PLCB1: variants seen among roughly 807,000 people sequenced by gnomAD.
PLCB1 encodes 1-phosphatidylinositol 4,5-bisphosphate phosphodiesterase beta-1.
PLCB1 carries 46 observed loss-of-function variants against 161.8 expected under a neutral mutation model. The observed-to-expected ratio is 0.28, with a 90% CI of 0.22 to 0.36. The LOEUF is 0.36. Among genes scored for constraint, PLCB1 ranks in the 10% least tolerant of loss-of-function variants. The pLI is 1.00. For missense variants in PLCB1, 1,016 were observed against 1,472.5 expected (o/e 0.69, Z 5.07); for synonymous variants, 517 against 503.7 (o/e 1.03, Z -0.35).
intron 3 of PLCB1, among the ~76,000 whole-genome samples, chr20:8,478,736 G>A (rs1257565579): frequency 6.6e-6 from 1 of 151,972 alleles, no homozygotes; most frequent in African/African-American, 2.4e-5. Flanking sequence ...TATAGATTGT[G>A]GTGCTTTTTT....
At chr20:8,849,321 GA>G (rs1197162783) in intron 31 of PLCB1, among the ~76,000 whole-genome samples, 1 of 152,030 alleles carries the variant, frequency 6.6e-6, no homozygotes, top group Non-Finnish European at 1.5e-5. Flanking sequence ...TTTATGTAAG[GA>G]AACTGAGATG....
At chr20:8,699,704 A>G (rs1471031012) in intron 11 of PLCB1, among the ~76,000 whole-genome samples, 1 of 152,226 alleles carries the variant, frequency 6.6e-6, no homozygotes, top group Non-Finnish European at 1.5e-5. Context: ...AAGTTGCTGT[A>G]TTAGACAATA....
chr20:8,424,526 T>C (rs1015715920), intron 3 of PLCB1, among the ~76,000 whole-genome samples: 5 of 152,188 alleles, frequency 3.3e-5, no homozygotes, highest in Admixed American at 2.6e-4. Flanking sequence ...TGTCTCTTTC[T>C]TTTCACTAAC....
chr20:8,566,031 A>G (rs1986323199), intron 3 of PLCB1, among the ~76,000 whole-genome samples: 1 of 152,164 alleles, frequency 6.6e-6, no homozygotes, highest in South Asian at 2.1e-4. Flanking sequence ...TCAACAGTTC[A>G]AAAGTTTCAT....
At chr20:8,467,396 T>C (rs978496590) in intron 3 of PLCB1, among the ~76,000 whole-genome samples, 1 of 152,194 alleles carries the variant, frequency 6.6e-6, no homozygotes, top group African/African-American at 2.4e-5. Context: ...GCTCCATGGA[T>C]AGCCACACCC....
At chr20:8,349,769 A>G (rs1986120903) in intron 2 of PLCB1, among the ~76,000 whole-genome samples, 1 of 152,212 alleles carries the variant, frequency 6.6e-6, no homozygotes, top group Non-Finnish European at 1.5e-5. Context: ...AGCAGGTCTT[A>G]TAAGACTAGG....
intron 3 of PLCB1, among the ~76,000 whole-genome samples, chr20:8,505,979 T>G (rs1418754324): frequency 6.6e-6 from 1 of 152,240 alleles, no homozygotes; most frequent in African/African-American, 2.4e-5. Flanking sequence ...CAGTAGAATT[T>G]AACTTCCTTT....
chr20:8,662,885 C>G (rs1315933315), intron 9 of PLCB1, among the ~76,000 whole-genome samples: 1 of 151,818 alleles, frequency 6.6e-6, no homozygotes, highest in Non-Finnish European at 1.5e-5. Flanking sequence ...CACAGATGAG[C>G]TACAGACTTT....
Position 8,527,343 on chromosome 20 carries a change from G to A in PLCB1, c.247-100951G>A, listed in dbSNP as rs1033895854. On this transcript the variant is annotated intron_variant, in intron 3 of 31. Transcript: ENST00000338037. The stretch of plus-strand genomic sequence containing the variant: ...CCCATCAATATCAAAAATTAAGATT[G>A]GACTTGGAATAAAAGTTCTATTTTA... Among the ~76,000 whole-genome samples, 60 of 151,984 alleles carry A rather than the reference G, an allele frequency of 3.9e-4. 2 individuals are homozygous for A. Among genetic ancestry groups the A allele is most frequent in the Non-Finnish European group, 2.2e-4 (15 of 67,948 alleles).
At chr20:8,778,683 C>T (rs1983061456) in intron 27 of PLCB1, among the ~76,000 whole-genome samples, 2 of 152,216 alleles carry the variant, frequency 1.3e-5, no homozygotes, top group African/African-American at 4.8e-5. Context: ...TCAAAGTGCT[C>T]ACCCCTGCAC....
chr20:8,187,759 G>A (rs1244908269), intron 2 of PLCB1, among the ~76,000 whole-genome samples: 1 of 152,090 alleles, frequency 6.6e-6, no homozygotes, highest in African/African-American at 2.4e-5. Flanking sequence ...ACCAGAGCCA[G>A]CAATTCCTAC....
chr20:8,462,206 A>G (rs986233269), intron 3 of PLCB1, among the ~76,000 whole-genome samples: 1 of 152,336 alleles, frequency 6.6e-6, no homozygotes, highest in African/African-American at 2.4e-5. Context: ...GCAAAGCACT[A>G]TTCTAAACAC....
intron 2 of PLCB1, among the ~76,000 whole-genome samples, chr20:8,207,079 G>A (rs1414876626): frequency 8.6e-6 from 1 of 116,814 alleles, no homozygotes; most frequent in Non-Finnish European, 1.9e-5. Flanking sequence ...GAAGCCAGAT[G>A]TTGCATTATA....
intron 3 of PLCB1, among the ~76,000 whole-genome samples, chr20:8,565,357 T>C (rs763164506): frequency 2.0e-5 from 3 of 152,044 alleles, no homozygotes; most frequent in Non-Finnish European, 4.4e-5. Flanking sequence ...GGTTAGGGCA[T>C]GGATATCATT....
rs746878586 is a variant in PLCB1 at position 8,739,301 on chromosome 20, A to G, written c.2249A>G (p.Tyr750Cys). 6.2e-7 allele frequency: 1 copy of G among 1,614,054 alleles called. No homozygotes were observed. Among genetic ancestry groups the G allele is most frequent in the Non-Finnish European group, 8.5e-7 (1 of 1,179,878 alleles). Reference sequence around the variant, plus strand: ...CTGGCCTGTTTGAGAATAGCAGTTTATGAAGAAGGAGGTAAATTCATTGGC... The same window carrying G: ...CTGGCCTGTTTGAGAATAGCAGTTTGTGAAGAAGGAGGTAAATTCATTGGC... ...PTLACLRIAV[Y>C]EEGGKFIGHR... The change falls in exon 21 of 32, where the codon TAT becomes TGT. Residue 750 changes from tyrosine to cysteine, a missense_variant. By Grantham distance (194) the Tyr-to-Cys change is radical. Coordinates refer to ENST00000338037, the MANE Select transcript of PLCB1 (RefSeq NM_015192.4).
chr20:8,522,042 G>A (rs772188271), intron 3 of PLCB1, among the ~76,000 whole-genome samples: 2 of 152,332 alleles, frequency 1.3e-5, no homozygotes, highest in African/African-American at 4.8e-5. Flanking sequence ...GCCTCCAGAA[G>A]ATTGTCCTTG....
At chr20:8,346,187 A>G (rs189003037) in intron 2 of PLCB1, among the ~76,000 whole-genome samples, 235 of 152,324 alleles carry the variant, frequency 1.5e-3, no homozygotes, top group African/African-American at 5.3e-3. Flanking sequence ...AAGCTGACTA[A>G]ACTAATTTCA....
At chr20:8,539,709 C>CTTCT (rs1985228162) in intron 3 of PLCB1, among the ~76,000 whole-genome samples, 1 of 133,200 alleles carries the variant, frequency 7.5e-6, no homozygotes. Context: ...TCCTTCCTTC[C>CTTCT]TTTCTTTTCC....
chr20:8,697,618 T>C lies in PLCB1; in HGVS notation c.1010-8T>C. The C allele has an allele frequency of 6.2e-7, 1 of 1,613,932 alleles. No homozygotes were observed. Among genetic ancestry groups the C allele is most frequent in the Non-Finnish European group, 8.5e-7 (1 of 1,179,884 alleles). On this transcript the variant is annotated splice_region_variant and splice_polypyrimidine_tract_variant and intron_variant, in intron 10 of 31. Coordinates refer to ENST00000338037, the MANE Select transcript of PLCB1 (RefSeq NM_015192.4). ...GAATCTGGGGTTTGTTTTGTTGGTG[T>C]TTTATAGCTGGCCAACTGGCTGGAA...
Sources: allele counts gnomAD v4.1 joint callset (sites outside exome capture counted in the v4.1 genomes callset), GRCh38; gene constraint gnomAD v4.1.1; transcripts MANE v1.5; gene names NCBI Gene and HGNC (gene_info 2026-07-23, HGNC 2026-07-21).